The following NTRK2 variants were observed in gnomAD, a reference collection of about 807,000 sequenced individuals.
The protein encoded by NTRK2 is neurotrophic receptor tyrosine kinase 2, also known as BDNF/NT-3 growth factors receptor.
In NTRK2, 13 loss-of-function variants were observed where a neutral mutation model predicts 94.5. The ratio of observed to expected loss-of-function variants is 0.14; its 90% CI spans 0.09 to 0.22. The LOEUF is 0.22. Ranked by LOEUF, NTRK2 falls within the 10% of genes least tolerant of loss-of-function variation. NTRK2 has a pLI of 1.00. For synonymous variants in NTRK2, 372 were observed against 407.4 expected, an observed-to-expected ratio of 0.91 and a Z score of 1.05; for missense variants, 639 against 1,071.2, an observed-to-expected ratio of 0.60 and a Z score of 5.63.
chr9:84,812,609 C>T, intron 12 of NTRK2: 2 of 1,046,712 alleles, frequency 1.9e-6, no homozygotes, highest in African/African-American at 3.3e-5. Context: ...GAAATTCAAG[C>T]TGTGAGCCAG....
At chr9:84,674,365 A>G (rs1187329) in intron 2 of NTRK2, among the ~76,000 whole-genome samples, 80,206 of 152,060 alleles carry the variant, frequency 0.53, 21,781 homozygotes, top group East Asian at 0.59. Context: ...GACAGACTCT[A>G]TGTGCAATTT....
At chr9:84,671,673 C>T (rs1335331135) in intron 2 of NTRK2, among the ~76,000 whole-genome samples, 1 of 152,212 alleles carries the variant, frequency 6.6e-6, no homozygotes, top group Non-Finnish European at 1.5e-5. Flanking sequence ...CTTAATTGCC[C>T]ATTGAATAAT....
intron 12 of NTRK2, among the ~76,000 whole-genome samples, chr9:84,790,098 A>G (rs1393070337): frequency 3.3e-5 from 5 of 152,176 alleles, no homozygotes; most frequent in African/African-American, 1.2e-4. Flanking sequence ...CAGTGCATAG[A>G]CAGACTCTTG....
intron 2 of NTRK2, among the ~76,000 whole-genome samples, chr9:84,680,920 C>T (rs2059351507): frequency 6.6e-6 from 1 of 152,194 alleles, no homozygotes; most frequent in South Asian, 2.1e-4. Flanking sequence ...TTTCCTTTGG[C>T]CTTGGTGTCA....
chr9:84,942,629 A>G (rs1019757243), intron 15 of NTRK2, among the ~76,000 whole-genome samples: 4 of 152,186 alleles, frequency 2.6e-5, no homozygotes, highest in African/African-American at 4.8e-5. Context: ...TAAAATGTAA[A>G]AAGAAACATA....
At chr9:84,966,423 G>A (rs1207705877) in intron 17 of NTRK2, among the ~76,000 whole-genome samples, 1 of 152,020 alleles carries the variant, frequency 6.6e-6, no homozygotes, top group Non-Finnish European at 1.5e-5. Flanking sequence ...GTAGAGCTAT[G>A]TTTTTGTTTG....
intron 8 of NTRK2, 47 bp downstream of exon 8, chr9:84,724,403 A>G (rs780136712): frequency 1.9e-6 from 3 of 1,612,604 alleles, no homozygotes; most frequent in East Asian, 4.5e-5. Flanking sequence ...ATGATCATGG[A>G]CGTACCTACG....
At chr9:84,790,661 C>A (rs939643086) in intron 12 of NTRK2, among the ~76,000 whole-genome samples, 2 of 152,082 alleles carry the variant, frequency 1.3e-5, no homozygotes, top group African/African-American at 4.8e-5. Context: ...TAAATATGCT[C>A]AGTTTTGGTA....
In NTRK2 at chr9:84,770,020, C is replaced by T. The variant is rs75048724; in HGVS notation, c.1396+17935C>T. On this transcript the variant is annotated intron_variant, in intron 12 of 18. Coordinates refer to ENST00000277120, the MANE Select transcript of NTRK2 (RefSeq NM_006180.6). The stretch of plus-strand genomic sequence containing the variant: ...TGCTCTGCTCAGGTACCCTCTGACT[C>T]CCTTTACTGGCCTTGTGTGCTCACC... Among the ~76,000 whole-genome samples, 462 of 152,192 alleles carry T rather than the reference C, an allele frequency of 3.0e-3. 6 individuals are homozygous for T. The highest frequency in any genetic ancestry group is 0.01 in the African/African-American group (418 of 41,510).
chr9:84,848,263 T>C (rs2074570272), intron 12 of NTRK2, among the ~76,000 whole-genome samples: 1 of 152,238 alleles, frequency 6.6e-6, no homozygotes. Flanking sequence ...ATGAATTCTA[T>C]GTGCACACAA....
At chr9:84,725,661 T>A (rs945121852) in intron 8 of NTRK2, among the ~76,000 whole-genome samples, 54 of 148,312 alleles carry the variant, frequency 3.6e-4, no homozygotes, top group South Asian at 8.4e-4. Context: ...ATATATATAT[T>A]ATGTATATAT....
chr9:84,954,971 A>G (rs1227410732), intron 16 of NTRK2, among the ~76,000 whole-genome samples: 2 of 152,190 alleles, frequency 1.3e-5, no homozygotes, highest in Non-Finnish European at 2.9e-5. Flanking sequence ...AACCCAGCAC[A>G]GTGCCAGAGC....
chr9:84,813,283 G>A, intron 12 of NTRK2: 1 of 1,029,858 alleles, frequency 9.7e-7, no homozygotes, highest in Non-Finnish European at 1.2e-6. Flanking sequence ...CACAGGAATG[G>A]GAGCCTAGGT....
intron 12 of NTRK2, among the ~76,000 whole-genome samples, chr9:84,782,924 T>C (rs932044965): frequency 7.2e-5 from 11 of 152,100 alleles, no homozygotes; most frequent in Admixed American, 2.0e-4. Context: ...TGTCCTGAAG[T>C]GGGTGGGAAA....
chr9:84,997,621 G>C (rs1249831701), intron 17 of NTRK2, among the ~76,000 whole-genome samples: 1 of 152,190 alleles, frequency 6.6e-6, no homozygotes, highest in African/African-American at 2.4e-5. Flanking sequence ...TGAACAAAAA[G>C]AGTGATTTCA....
chr9:84,834,500 T>C (rs962129449), intron 12 of NTRK2, among the ~76,000 whole-genome samples: 1 of 152,128 alleles, frequency 6.6e-6, no homozygotes, highest in African/African-American at 2.4e-5. Context: ...GACCACTAAT[T>C]ACATTTTTTC....
chr9:84,688,401 G>A (rs2059847644), intron 2 of NTRK2, among the ~76,000 whole-genome samples: 1 of 152,140 alleles, frequency 6.6e-6, no homozygotes, highest in Non-Finnish European at 1.5e-5. Context: ...AGTGTGTAGG[G>A]GGGTGGCCAG....
intron 12 of NTRK2, among the ~76,000 whole-genome samples, chr9:84,838,056 A>G (rs938469104): frequency 6.6e-6 from 1 of 152,244 alleles, no homozygotes; most frequent in African/African-American, 2.4e-5. Flanking sequence ...AAAATAGTGG[A>G]GAATCAAATT....
At chr9:84,866,643 C>T (rs989665019) in intron 13 of NTRK2, among the ~76,000 whole-genome samples, 4 of 152,176 alleles carry the variant, frequency 2.6e-5, no homozygotes, top group Non-Finnish European at 5.9e-5. Context: ...TAAAATGGTG[C>T]AGCCACTTTG....
Sources: allele counts gnomAD v4.1 joint callset (sites outside exome capture counted in the v4.1 genomes callset), GRCh38; gene constraint gnomAD v4.1.1; transcripts MANE v1.5; gene names NCBI Gene and HGNC (gene_info 2026-07-23, HGNC 2026-07-21).